SCUBE2: variants seen among roughly 807,000 people sequenced by gnomAD.
The protein encoded by SCUBE2 is signal peptide, CUB and EGF-like domain-containing protein 2.
Under a neutral mutation model 125.9 loss-of-function variants are expected in SCUBE2, and 114 were observed. The observed-to-expected ratio is 0.91, with a 90% CI of 0.78 to 1.06. SCUBE2 has a LOEUF of 1.06. SCUBE2 is among the 50% of genes least tolerant of loss of function. SCUBE2 has a pLI of 0.00. For synonymous variants in SCUBE2, 459 were observed against 492.9 expected (o/e 0.93, Z 0.91); for missense variants, 1,255 against 1,301.8 (o/e 0.96, Z 0.55).
intron 17 of SCUBE2, 185 bp from the exon 18 acceptor site, chr11:9,031,110 T>C: frequency 1.7e-6 from 1 of 578,966 alleles, no homozygotes; most frequent in Non-Finnish European, 3.1e-6. Flanking sequence ...CATGAGTGCC[T>C]GCTGTTTACA....
At chr11:9,075,565 G>A (rs924236603) in intron 3 of SCUBE2, among the ~76,000 whole-genome samples, 4 of 152,360 alleles carry the variant, frequency 2.6e-5, no homozygotes, top group Admixed American at 6.5e-5. Flanking sequence ...GGGTCACACT[G>A]TGGGATCCTG....
intron 16 of SCUBE2, among the ~76,000 whole-genome samples, chr11:9,039,473 G>T (rs886284666): frequency 6.6e-6 from 1 of 152,114 alleles, no homozygotes; most frequent in Non-Finnish European, 1.5e-5. Flanking sequence ...AAGCTTGAGA[G>T]GATAAGAAGC....
chr11:9,080,753 T>C (rs1025741665), intron 2 of SCUBE2, among the ~76,000 whole-genome samples: 2 of 152,092 alleles, frequency 1.3e-5, no homozygotes, highest in African/African-American at 4.8e-5. Context: ...TTAAAATTAA[T>C]AAACTGGAGT....
At chr11:9,089,238 A>G (rs114553231) in intron 2 of SCUBE2, among the ~76,000 whole-genome samples, 1,815 of 152,266 alleles carry the variant, frequency 0.012, 42 homozygotes, top group African/African-American at 0.041. Flanking sequence ...GCACGTCACA[A>G]TGCCAAACAT....
intron 16 of SCUBE2, among the ~76,000 whole-genome samples, chr11:9,046,760 T>C (rs1416504837): frequency 1.3e-5 from 2 of 152,238 alleles, no homozygotes; most frequent in Non-Finnish European, 2.9e-5. Context: ...ATCAAGACTA[T>C]CTGGAAACCA....
chr11:9,032,864 A>C (rs954888125), intron 17 of SCUBE2, among the ~76,000 whole-genome samples: 1 of 152,170 alleles, frequency 6.6e-6, no homozygotes, highest in Admixed American at 6.6e-5. Flanking sequence ...AGTCAATATG[A>C]GGATTTGATT....
In SCUBE2 at chr11:9,089,697, A is replaced by G; in HGVS notation, c.256+10T>C. ...CTACAGTCCCCCCACATGGTCCCCAAGGCACTTACCCTCACACTGCCTGCC... is the reference window on the plus strand; with the variant it reads ...CTACAGTCCCCCCACATGGTCCCCAGGGCACTTACCCTCACACTGCCTGCC... On this transcript the variant is annotated intron_variant, in intron 2 of 22. Transcript: ENST00000649792. 1 of 1,612,834 alleles carries G rather than the reference A, an allele frequency of 6.2e-7. No individual in the cohort carries two copies. Among genetic ancestry groups the G allele is most frequent in the Non-Finnish European group, 8.5e-7 (1 of 1,179,302 alleles).
At chr11:9,045,604 CAG>C (rs1361869138) in intron 16 of SCUBE2, among the ~76,000 whole-genome samples, 1,236 of 77,128 alleles carry the variant, frequency 0.016, 8 homozygotes, top group African/African-American at 0.033. Context: ...AGAAGACAGA[CAG>C]ACAGACACAC....
Position 9,078,625 on chromosome 11 carries a change from T to C in SCUBE2, c.382+759A>G, listed in dbSNP as rs1370689649. On this transcript the variant is annotated intron_variant, in intron 3 of 22. Transcript: ENST00000649792. ...TGCTCCTTAGTTGGCCAAGTAGACC[T>C]CAGCAGGTTATCCATATGAAGGGTC... Among the ~76,000 whole-genome samples, 3 of 152,328 alleles carry C rather than the reference T, an allele frequency of 2.0e-5. No homozygotes were observed. The East Asian group carries it at 5.8e-4, about 29-fold the overall frequency.
intron 3 of SCUBE2, among the ~76,000 whole-genome samples, chr11:9,076,399 GCCTCAAAAT>G (rs1289280571): frequency 6.6e-6 from 1 of 152,012 alleles, no homozygotes; most frequent in African/African-American, 2.4e-5. Context: ...CTGACTTGCA[GCCTCAAAAT>G]CCTTTACTCA....
chr11:9,028,090 T>C (rs188254668), intron 19 of SCUBE2, among the ~76,000 whole-genome samples: 1 of 152,316 alleles, frequency 6.6e-6, no homozygotes, highest in Non-Finnish European at 1.5e-5. Flanking sequence ...CTCTCTCTGT[T>C]GCCCAGGCTG....
At chr11:9,052,396 G>A (rs1010148998) in intron 13 of SCUBE2, among the ~76,000 whole-genome samples, 3 of 152,248 alleles carry the variant, frequency 2.0e-5, no homozygotes, top group Non-Finnish European at 4.4e-5. Context: ...CCCCTGCTTT[G>A]CCTATTTCTA....
chr11:9,051,237 C>CCTACCTATCTATCTATCTAT (rs1555245415), intron 13 of SCUBE2, among the ~76,000 whole-genome samples: 8 of 150,292 alleles, frequency 5.3e-5, no homozygotes, highest in African/African-American at 2.0e-4. Flanking sequence ...TACCTACCTA[C>CCTACCTATCTATCTATCTAT]CTATCTATCT....
intron 21 of SCUBE2, chr11:9,024,523 T>G: frequency 1.6e-6 from 1 of 638,534 alleles, no homozygotes; most frequent in Non-Finnish European, 2.4e-6. Flanking sequence ...CTTCAGTGGC[T>G]TCCTCTAAGA....
rs1244278374 is a variant in SCUBE2 at position 9,091,373 on chromosome 11, C to T, written c.133+23G>A. On this transcript the variant is annotated intron_variant, in intron 1 of 22. Transcript: ENST00000649792. The surrounding 1 kb of genome is among the most constrained non-coding windows in gnomAD (Gnocchi z 8.5). The stretch of plus-strand genomic sequence containing the variant: ...CTGGCCCTGCCTGCTGTGCCAGGTG[C>T]GCCCCCGCGGCCGGACACTCACCCT... 3.1e-6 allele frequency: 4 copies of T among 1,298,108 alleles called. No homozygotes were observed. The highest frequency in any genetic ancestry group is 2.5e-5 in the South Asian group (1 of 40,722). The allele number at this position is 1,298,108 out of a possible 1,614,324, so 80.4% of individuals were successfully genotyped here. A position where few individuals can be genotyped will look rare whatever the true frequency, so the allele number is the denominator to read the frequency against.
intron 8 of SCUBE2, chr11:9,059,708 T>C: frequency 4.9e-6 from 2 of 407,990 alleles, no homozygotes; most frequent in South Asian, 8.6e-5. Flanking sequence ...TGACGTCCTG[T>C]TATATTCTCA....
intron 2 of SCUBE2, among the ~76,000 whole-genome samples, chr11:9,080,896 A>T (rs1432795429): frequency 6.6e-6 from 1 of 152,236 alleles, no homozygotes; most frequent in Non-Finnish European, 1.5e-5. Flanking sequence ...CAACTCAATA[A>T]GAAGATAAAC....
intron 17 of SCUBE2, 109 bp downstream of exon 17, chr11:9,033,517 G>C (rs1856496911): frequency 6.8e-6 from 9 of 1,317,416 alleles, no homozygotes; most frequent in Non-Finnish European, 8.4e-6. Flanking sequence ...GTCCCTGCTT[G>C]TAGGAAGCCC....
chr11:9,067,216 CAA>C (rs765755858), intron 5 of SCUBE2, among the ~76,000 whole-genome samples: 12 of 152,268 alleles, frequency 7.9e-5, no homozygotes, highest in Non-Finnish European at 1.0e-4. Flanking sequence ...ATAAAACAGA[CAA>C]TATTTAATTT....
Sources: allele counts gnomAD v4.1 joint callset (sites outside exome capture counted in the v4.1 genomes callset), GRCh38; gene constraint gnomAD v4.1.1; non-coding constraint Gnocchi (gnomAD v3.1); transcripts MANE v1.5; gene names NCBI Gene and HGNC (gene_info 2026-07-23, HGNC 2026-07-21).